The following CEP128 variants were observed in gnomAD, a reference collection of about 807,000 sequenced individuals.
The protein encoded by CEP128 is centrosomal protein 128.
CEP128 carries 132 observed loss-of-function variants against 156.7 expected under a neutral mutation model. The observed-to-expected ratio is 0.84, with a 90% CI of 0.73 to 0.97. The LOEUF is 0.97. Among genes scored for constraint, CEP128 ranks in the 50% least tolerant of loss-of-function variants. The pLI is 0.00. For synonymous variants in CEP128, 469 were observed against 448.9 expected, an observed-to-expected ratio of 1.04 and a Z score of -0.57; for missense variants, 1,252 against 1,281.9, an observed-to-expected ratio of 0.98 and a Z score of 0.36.
chr14:80,915,981 G>C (rs370471646), intron 3 of CEP128, among the ~76,000 whole-genome samples: 1 of 152,162 alleles, frequency 6.6e-6, no homozygotes, highest in African/African-American at 2.4e-5. Context: ...AGATTCTCCT[G>C]GATTATTGGG....
At chr14:80,506,267 C>T (rs1046103060) in intron 23 of CEP128, among the ~76,000 whole-genome samples, 6 of 150,108 alleles carry the variant, frequency 4.0e-5, no homozygotes, top group African/African-American at 1.5e-4. Flanking sequence ...GACCCCACAG[C>T]TTAGGTACAC....
At chr14:80,672,102 T>C (rs1345520840) in intron 19 of CEP128, among the ~76,000 whole-genome samples, 1 of 152,152 alleles carries the variant, frequency 6.6e-6, no homozygotes, top group Non-Finnish European at 1.5e-5. Flanking sequence ...TCTAGGCCTA[T>C]TTTTCTTGCA....
At chr14:80,942,082 C>G (rs1296044830), upstream of CEP128, among the ~76,000 whole-genome samples, 1 of 151,738 alleles carries the variant, frequency 6.6e-6, no homozygotes, top group Admixed American at 6.5e-5. Context: ...CCCAGGACTA[C>G]GGTAAGATGG....
intron 14 of CEP128, among the ~76,000 whole-genome samples, chr14:80,789,699 C>T (rs1459607975): frequency 1.3e-5 from 2 of 151,906 alleles, no homozygotes; most frequent in African/African-American, 4.8e-5. Context: ...TGAAAGAAGG[C>T]CTGAAAAAAG....
At chr14:80,487,959 T>A (rs1887206587), downstream of CEP128, among the ~76,000 whole-genome samples, 1 of 150,728 alleles carries the variant, frequency 6.6e-6, no homozygotes, top group South Asian at 2.1e-4. Context: ...ATGTCACAAT[T>A]AAAAGAACTA....
At chr14:80,489,267 T>TAAAAAAA (rs35135843), downstream of CEP128, among the ~76,000 whole-genome samples, 5 of 108,032 alleles carry the variant, frequency 4.6e-5, no homozygotes, top group African/African-American at 7.1e-5. Context: ...TTGTAAAAGC[T>TAAAAAAA]AAAAAAAAAA....
At chr14:80,595,734 G>A (rs189768818) in intron 19 of CEP128, among the ~76,000 whole-genome samples, 129 of 152,238 alleles carry the variant, frequency 8.5e-4, no homozygotes, top group African/African-American at 2.9e-3. Context: ...CCTGAGACTG[G>A]GTAATTTATA....
At chr14:80,527,684 T>C (rs1314364879) in intron 22 of CEP128, among the ~76,000 whole-genome samples, 1 of 152,198 alleles carries the variant, frequency 6.6e-6, no homozygotes, top group Non-Finnish European at 1.5e-5. Flanking sequence ...AATATATTCT[T>C]GTTTTAAAAA....
At chr14:80,870,860 T>C (rs1202786109) in intron 8 of CEP128, among the ~76,000 whole-genome samples, 3 of 149,966 alleles carry the variant, frequency 2.0e-5, no homozygotes, top group African/African-American at 4.9e-5. Flanking sequence ...AAGAGGCCCC[T>C]AAAAAAAACT....
chr14:80,678,803 G>A (rs1054922865), intron 19 of CEP128, among the ~76,000 whole-genome samples: 1 of 152,172 alleles, frequency 6.6e-6, no homozygotes, highest in Non-Finnish European at 1.5e-5. Context: ...TCAGGACCAA[G>A]AGCACAATGC....
intron 21 of CEP128, among the ~76,000 whole-genome samples, chr14:80,553,464 T>C (rs1351666733): frequency 6.6e-6 from 1 of 152,346 alleles, no homozygotes; most frequent in East Asian, 1.9e-4. Flanking sequence ...CATATGTACG[T>C]ATTTCCGTTT....
At chr14:80,613,005 G>A (rs1041869572) in intron 19 of CEP128, among the ~76,000 whole-genome samples, 1 of 110,304 alleles carries the variant, frequency 9.1e-6, no homozygotes, top group Non-Finnish European at 1.9e-5. Flanking sequence ...CACACCCGGC[G>A]AATTTTTTTT....
intron 19 of CEP128, among the ~76,000 whole-genome samples, chr14:80,693,825 C>G (rs1395225559): frequency 6.6e-6 from 1 of 152,112 alleles, no homozygotes; most frequent in East Asian, 1.9e-4. Context: ...TTGGTTGAAA[C>G]TTAGGTTTGC....
intron 8 of CEP128, among the ~76,000 whole-genome samples, chr14:80,885,502 T>C (rs1045824859): frequency 6.6e-6 from 1 of 152,142 alleles, no homozygotes; most frequent in Non-Finnish European, 1.5e-5. Flanking sequence ...AGAGTGGACC[T>C]CCAGCAAACT....
intron 13 of CEP128, among the ~76,000 whole-genome samples, chr14:80,797,335 C>T (rs1271183410): frequency 6.6e-6 from 1 of 152,114 alleles, no homozygotes; most frequent in Non-Finnish European, 1.5e-5. Flanking sequence ...TTGAAAAGAT[C>T]ATGTCATTGA....
At chr14:80,882,247 A>G (rs1166644508) in intron 8 of CEP128, among the ~76,000 whole-genome samples, 2 of 152,128 alleles carry the variant, frequency 1.3e-5, no homozygotes, top group Admixed American at 1.3e-4. Flanking sequence ...TCATAATCCA[A>G]TTTAAAATGG....
intron 1 of CEP128, among the ~76,000 whole-genome samples, chr14:80,958,568 AAAG>A (rs1318246172): frequency 6.6e-6 from 1 of 152,196 alleles, no homozygotes; most frequent in Non-Finnish European, 1.5e-5. Context: ...CAGGGAAAGG[AAAG>A]AAGAAGGAAG....
intron 13 of CEP128, among the ~76,000 whole-genome samples, chr14:80,823,743 G>A (rs552854314): frequency 3.9e-5 from 6 of 152,294 alleles, no homozygotes; most frequent in African/African-American, 9.6e-5. Flanking sequence ...CTCCCCTCAC[G>A]GCTGCTTTCA....
intron 19 of CEP128, among the ~76,000 whole-genome samples, chr14:80,611,523 T>A (rs1566810172): frequency 6.6e-6 from 1 of 152,074 alleles, no homozygotes; most frequent in African/African-American, 2.4e-5. Flanking sequence ...ATTATGGCTA[T>A]TTGAAAGTAA....
Sources: gnomAD v4.1 joint callset for allele counts (sites outside exome capture counted in the v4.1 genomes callset) on GRCh38, gnomAD v4.1.1 for gene constraint, MANE v1.5 for transcripts, NCBI Gene and HGNC (gene_info 2026-07-23, HGNC 2026-07-21) for gene names.